Variants in ALPL observed in about 807,000 individuals in gnomAD.
The protein encoded by ALPL is alkaline phosphatase, biomineralization associated.
A neutral mutation model predicts 51.3 loss-of-function variants in ALPL; 42 were observed. The ratio of observed to expected loss-of-function variants is 0.82; its 90% CI spans 0.64 to 1.06. The LOEUF (loss-of-function observed/expected upper bound fraction) is 1.06, where lower values mean the gene tolerates loss of function less well. ALPL is among the 50% of genes least tolerant of loss of function. The pLI is 0.00. For synonymous variants in ALPL, 279 were observed against 296.4 expected (o/e 0.94, Z 0.60); for missense variants, 589 against 709.4 (o/e 0.83, Z 1.93).
chr1:21,563,232 C>T lies in ALPL; in HGVS notation c.420C>T (p.Asn140=), dbSNP rs148982201. ...CAGCCACTGAGCGTTCCCGGTGCAACACCACCCAGGGGAACGAGGTCACCT... is the reference window on the plus strand; with the variant it reads ...CAGCCACTGAGCGTTCCCGGTGCAATACCACCCAGGGGAACGAGGTCACCT... ...VSAATERSRC[N]TTQGNEVTSI... is the part of the protein sequence containing the mutation. Residue 140 remains asparagine (N), a synonymous_variant, in exon 5 of 12, where the codon AAC becomes AAT. Coordinates refer to ENST00000374840, the MANE Select transcript of ALPL (RefSeq NM_000478.6). The T allele has an allele frequency of 1.4e-5, 23 of 1,613,742 alleles. No homozygotes were observed. The African/African-American group carries it at 2.5e-4, about 18-fold the overall frequency.
At chr1:21,548,360 G>T (rs1166413441) in intron 1 of ALPL, among the ~76,000 whole-genome samples, 1 of 152,232 alleles carries the variant, frequency 6.6e-6, no homozygotes, top group Non-Finnish European at 1.5e-5. Flanking sequence ...CGGAGGCTAT[G>T]GGAGAAGGCA....
chr1:21,568,822 G>A (rs539686310), intron 7 of ALPL, among the ~76,000 whole-genome samples: 5 of 152,212 alleles, frequency 3.3e-5, no homozygotes, highest in African/African-American at 1.2e-4. Flanking sequence ...GGGAAGGGAG[G>A]CTGGAGGACG....
At chr1:21,510,966 G>C (rs1316604752) in intron 1 of ALPL, among the ~76,000 whole-genome samples, 2 of 152,236 alleles carry the variant, frequency 1.3e-5, no homozygotes, top group African/African-American at 4.8e-5. Flanking sequence ...GCTGAGTGAT[G>C]ATCCCGGTCC....
rs370978556 is a variant in ALPL at position 21,577,636 on chromosome 1, C to G, written c.1563C>G (p.Ser521Arg). The G allele has an allele frequency of 1.1e-5, 18 of 1,598,092 alleles. No homozygotes were observed. The East Asian group carries it at 1.8e-4, about 16-fold the overall frequency. The stretch of plus-strand genomic sequence containing the variant: ...TCGCGCTGGCCCTCTACCCCCTGAG[C>G]GTCCTGTTCTGAGGGCCCAGGGCCC... ...LLLALALYPL[S>R]VLF is the part of the protein sequence containing the mutation. The change falls in exon 12 of 12, where the codon AGC becomes AGG. Residue 521 changes from serine to arginine, a missense_variant. Coordinates refer to ENST00000374840, the MANE Select transcript of ALPL (RefSeq NM_000478.6).
chr1:21,559,187 C>T (rs1057335563), intron 2 of ALPL, among the ~76,000 whole-genome samples: 5 of 152,168 alleles, frequency 3.3e-5, no homozygotes, highest in African/African-American at 1.2e-4. Flanking sequence ...CCGTTCTGTG[C>T]AGTGGGAGGC....
intron 1 of ALPL, among the ~76,000 whole-genome samples, chr1:21,514,429 A>C (rs959479017): frequency 2.0e-5 from 3 of 152,226 alleles, no homozygotes; most frequent in African/African-American, 7.2e-5. Context: ...CTTCTCAGAC[A>C]GGAAACACGA....
chr1:21,537,815 T>C (rs555428187), intron 1 of ALPL, among the ~76,000 whole-genome samples: 1 of 152,332 alleles, frequency 6.6e-6, no homozygotes, highest in East Asian at 1.9e-4. Context: ...GCCTTGGTTT[T>C]TCCTCCTGAG....
intron 2 of ALPL, among the ~76,000 whole-genome samples, chr1:21,555,927 C>T (rs1160233633): frequency 1.3e-5 from 2 of 151,676 alleles, no homozygotes; most frequent in Non-Finnish European, 2.9e-5. Context: ...CCCGCCACCA[C>T]GCGCAGCTAA....
intron 1 of ALPL, among the ~76,000 whole-genome samples, chr1:21,544,517 T>C (rs910509892): frequency 3.9e-5 from 6 of 152,134 alleles, no homozygotes; most frequent in African/African-American, 1.4e-4. Flanking sequence ...CCGAGGCATG[T>C]GGATTGCCTG....
At chr1:21,570,276 G>A (rs543688672) in intron 7 of ALPL, 29 bp from the exon 8 acceptor site, 14 of 1,611,856 alleles carry the variant, frequency 8.7e-6, no homozygotes, top group South Asian at 7.7e-5. Context: ...CTAGCCCCCG[G>A]CATGTGCTGA....
In ALPL at chr1:21,534,837, G is replaced by A. The variant is rs566159305; in HGVS notation, c.-104-19141G>A. 3.3e-5 allele frequency among the ~76,000 whole-genome samples: 5 copies of A among 152,298 alleles called. No homozygotes were observed. The South Asian group carries it at 8.3e-4, about 25-fold the overall frequency. On this transcript the variant is annotated intron_variant, in intron 1 of 11. Transcript: ENST00000374840. Reference sequence around the variant, plus strand: ...TCCTTATCTGTGATTTGGGAATCACGTTCTGGCCTGTGTGGGATCATTGCA... The same window carrying A: ...TCCTTATCTGTGATTTGGGAATCACATTCTGGCCTGTGTGGGATCATTGCA...
chr1:21,551,083 C>T (rs1644314744), intron 1 of ALPL, among the ~76,000 whole-genome samples: 1 of 152,200 alleles, frequency 6.6e-6, no homozygotes. Flanking sequence ...ACTCCACCAA[C>T]GGCGAGCGGA....
At chr1:21,538,587 A>G (rs1570220039) in intron 1 of ALPL, among the ~76,000 whole-genome samples, 2 of 152,046 alleles carry the variant, frequency 1.3e-5, no homozygotes, top group East Asian at 1.9e-4. Flanking sequence ...CTCCTCTCAC[A>G]GGGCCTGCGT....
chr1:21,529,405 CCA>C (rs1643998789), intron 1 of ALPL, among the ~76,000 whole-genome samples: 2 of 152,208 alleles, frequency 1.3e-5, no homozygotes, highest in African/African-American at 4.8e-5. Flanking sequence ...CAGGTGCACA[CCA>C]CACTTGGCTA....
In ALPL at chr1:21,564,176, A is replaced by T; in HGVS notation, c.608A>T (p.Asp203Val). The T allele has an allele frequency of 6.2e-7, 1 of 1,614,000 alleles. No homozygotes were observed. The highest frequency in any genetic ancestry group is 1.1e-5 in the South Asian group (1 of 91,082). ...GAGGCCTTGAGCCAGGGCTGTAAGG[A>T]CATCGCCTACCAGCTCATGCATAAC... ...PPEALSQGCK[D>V]IAYQLMHNIR... Residue 203 changes from aspartate to valine, a missense_variant, in exon 6 of 12, where the codon GAC becomes GTC. Coordinates refer to ENST00000374840, the MANE Select transcript of ALPL (RefSeq NM_000478.6). This position sits in a 1 kb window ranked among gnomAD's most constrained non-coding sequence, Gnocchi z 5.8.
At chr1:21,527,330 C>T (rs1022261437) in intron 1 of ALPL, among the ~76,000 whole-genome samples, 2 of 152,112 alleles carry the variant, frequency 1.3e-5, no homozygotes, top group Admixed American at 6.6e-5. Flanking sequence ...CCACGCCCGG[C>T]CCTTCTTGTT....
chr1:21,569,691 A>G (rs1397591616), intron 7 of ALPL, among the ~76,000 whole-genome samples: 1 of 152,110 alleles, frequency 6.6e-6, no homozygotes, highest in African/African-American at 2.4e-5. Context: ...GGGGTCTTCT[A>G]AGGGCACACA....
At chr1:21,515,952 C>T (rs1381487687) in intron 1 of ALPL, among the ~76,000 whole-genome samples, 8 of 152,240 alleles carry the variant, frequency 5.3e-5, no homozygotes, top group Non-Finnish European at 8.8e-5. Flanking sequence ...TGGCTCACTA[C>T]AGTGCAGCCT....
At chr1:21,515,674 C>T (rs1010834476) in intron 1 of ALPL, among the ~76,000 whole-genome samples, 2 of 152,188 alleles carry the variant, frequency 1.3e-5, no homozygotes, top group Admixed American at 1.3e-4. Flanking sequence ...CAGGCATGGG[C>T]CACCACACCT....
Sources: gnomAD v4.1 joint callset for allele counts (sites outside exome capture counted in the v4.1 genomes callset) on GRCh38, gnomAD v4.1.1 for gene constraint, Gnocchi (gnomAD v3.1) non-coding constraint, MANE v1.5 for transcripts, NCBI Gene and HGNC (gene_info 2026-07-23, HGNC 2026-07-21) for gene names.